Variants in SLC5A3 observed in about 807,000 individuals in gnomAD.
SLC5A3 encodes the protein solute carrier family 5 member 3.
In SLC5A3, 10 loss-of-function variants were observed where a neutral mutation model predicts 43.2. The ratio of observed to expected loss-of-function variants is 0.23; its 90% CI spans 0.14 to 0.39. The LOEUF (loss-of-function observed/expected upper bound fraction) is 0.39. Among genes scored for constraint, SLC5A3 ranks in the 10% least tolerant of loss-of-function variants. The pLI is 1.00. For synonymous variants in SLC5A3, 349 were observed against 322.0 expected, an observed-to-expected ratio of 1.08 and a Z score of -0.90; for missense variants, 608 against 893.4, an observed-to-expected ratio of 0.68 and a Z score of 4.07.
At chr21:34,077,656 CAG>C (rs1989365967) in intron 1 of SLC5A3, among the ~76,000 whole-genome samples, 3 of 152,034 alleles carry the variant, frequency 2.0e-5, no homozygotes, top group African/African-American at 7.2e-5. Context: ...TTAAAACAAA[CAG>C]TAATTTTTAT....
chr21:34,073,850 C>A, intron 1 of SLC5A3, 105 bp downstream of exon 1: 2 of 739,586 alleles, frequency 2.7e-6, no homozygotes, highest in Non-Finnish European at 3.7e-6. Context: ...GGCCTTCCTG[C>A]ACTCCTCGGA....
At chr21:34,079,016 A>G (rs188146873) in intron 1 of SLC5A3, among the ~76,000 whole-genome samples, 1 of 152,366 alleles carries the variant, frequency 6.6e-6, no homozygotes, top group African/African-American at 2.4e-5. Context: ...ATTTGTCTAA[A>G]GGAAGAACTA....
chr21:34,082,385 G>T (rs571859859), intron 1 of SLC5A3, among the ~76,000 whole-genome samples: 13 of 152,144 alleles, frequency 8.5e-5, no homozygotes, highest in Non-Finnish European at 1.6e-4. Context: ...GTGAGGGAGT[G>T]ACATTCACAG....
intron 1 of SLC5A3, among the ~76,000 whole-genome samples, chr21:34,079,327 G>A (rs1005077484): frequency 1.3e-5 from 2 of 152,162 alleles, no homozygotes; most frequent in South Asian, 4.1e-4. Context: ...CAGAAGAAAT[G>A]TGCCAGCCCC....
chr21:34,085,681 A>C (rs1019968804), intron 1 of SLC5A3, among the ~76,000 whole-genome samples: 1 of 148,178 alleles, frequency 6.7e-6, no homozygotes, highest in Non-Finnish European at 1.5e-5. Context: ...GGCTCACTGC[A>C]AGCTCTGCCT....
chr21:34,075,055 T>C (rs1348741490), intron 1 of SLC5A3, among the ~76,000 whole-genome samples: 1 of 152,222 alleles, frequency 6.6e-6, no homozygotes, highest in Non-Finnish European at 1.5e-5. Flanking sequence ...CCCTCCTCCT[T>C]GCTTACCAGC....
Sources: gnomAD v4.1 joint callset for allele counts (sites outside exome capture counted in the v4.1 genomes callset) on GRCh38, gnomAD v4.1.1 for gene constraint, MANE v1.5 for transcripts, NCBI Gene and HGNC (gene_info 2026-07-23, HGNC 2026-07-21) for gene names.